The following MACROD2 variants were observed in gnomAD, a reference collection of about 807,000 sequenced individuals.
MACROD2 encodes the protein mono-ADP ribosylhydrolase 2, also known as ADP-ribose glycohydrolase MACROD2.
In MACROD2, 36 loss-of-function variants were observed where a neutral mutation model predicts 70.4. That is an observed-to-expected ratio of 0.51 (90% CI 0.39 to 0.68). The LOEUF (loss-of-function observed/expected upper bound fraction) is 0.68, where lower values mean the gene tolerates loss of function less well. Ranked by LOEUF, MACROD2 falls within the 30% of genes least tolerant of loss-of-function variation. The pLI is 0.00. For synonymous variants in MACROD2, 172 were observed against 178.8 expected (o/e 0.96, Z 0.30); for missense variants, 496 against 538.4 (o/e 0.92, Z 0.78).
chr20:14,165,749 A>C (rs537265968), intron 3 of MACROD2, among the ~76,000 whole-genome samples: 1 of 152,378 alleles, frequency 6.6e-6, no homozygotes, highest in Admixed American at 6.5e-5. Context: ...ATGGCTACTC[A>C]GTAATTTAGT....
At chr20:14,600,031 A>G (rs980018342) in intron 4 of MACROD2, among the ~76,000 whole-genome samples, 5 of 151,936 alleles carry the variant, frequency 3.3e-5, no homozygotes, top group African/African-American at 4.8e-5. Flanking sequence ...GTATAGGAGA[A>G]CTCAGCTACT....
At chr20:15,072,833 C>T (rs903417863) in intron 5 of MACROD2, among the ~76,000 whole-genome samples, 2 of 152,082 alleles carry the variant, frequency 1.3e-5, no homozygotes, top group African/African-American at 4.8e-5. Context: ...TTGAATGTGT[C>T]CCCCAAAGTT....
intron 6 of MACROD2, among the ~76,000 whole-genome samples, chr20:15,327,917 A>G (rs2423924): frequency 0.26 from 39,591 of 152,072 alleles, 5,344 homozygotes; most frequent in East Asian, 0.47. Flanking sequence ...CTTGACACAT[A>G]TCAGTTAATG....
intron 17 of MACROD2, among the ~76,000 whole-genome samples, chr20:16,045,686 G>A (rs982657622): frequency 4.6e-5 from 7 of 152,066 alleles, no homozygotes; most frequent in South Asian, 2.1e-4. Context: ...TTATCTCTTC[G>A]GTGGTTAGTT....
intron 5 of MACROD2, among the ~76,000 whole-genome samples, chr20:15,177,259 A>G (rs929049356): frequency 1.3e-5 from 2 of 152,242 alleles, no homozygotes; most frequent in Non-Finnish European, 2.9e-5. Flanking sequence ...GAGACACTCC[A>G]TAGATCCCAT....
At chr20:15,604,351 T>G (rs2048864511) in intron 8 of MACROD2, among the ~76,000 whole-genome samples, 1 of 152,208 alleles carries the variant, frequency 6.6e-6, no homozygotes, top group Admixed American at 6.5e-5. Context: ...CAATTCAGTT[T>G]TTTTATTTGC....
chr20:14,517,595 A>G lies in MACROD2; in HGVS notation c.301+24087A>G, dbSNP rs140048754. On this transcript the variant is annotated intron_variant, in intron 4 of 17. Coordinates refer to ENST00000684519, the MANE Select transcript of MACROD2 (RefSeq NM_001351661.2). ...GAGAAATACCTAATGTAGATGATGG[A>G]TTGATGGGTGCAGCAAACCACCATG... Among the ~76,000 whole-genome samples the G allele has an allele frequency of 9.6e-3, 1,464 of 152,182 alleles. 14 individuals are homozygous for G. Among genetic ancestry groups the G allele is most frequent in the Non-Finnish European group, 0.016 (1,104 of 67,982 alleles).
chr20:15,467,259 A>G (rs1600453907), intron 7 of MACROD2, among the ~76,000 whole-genome samples: 1 of 152,188 alleles, frequency 6.6e-6, no homozygotes, highest in African/African-American at 2.4e-5. Context: ...TCCGAAGTGT[A>G]TGTTCTATAC....
intron 8 of MACROD2, among the ~76,000 whole-genome samples, chr20:15,726,435 TTGGGTAACAGAATAATGGAATTGC>T (rs2050863899): frequency 6.6e-6 from 1 of 152,110 alleles, no homozygotes; most frequent in Admixed American, 6.5e-5. Flanking sequence ...TTCTGTTACT[TTGGGTAACAGAATAATGGAATTGC>T]TGGGTTGAAT....
chr20:14,286,222 A>C (rs974088308), intron 3 of MACROD2, among the ~76,000 whole-genome samples: 3 of 152,176 alleles, frequency 2.0e-5, no homozygotes, highest in African/African-American at 7.2e-5. Context: ...TCTTCTAGCA[A>C]TTAATGCCAC....
intron 2 of MACROD2, among the ~76,000 whole-genome samples, chr20:14,038,673 A>G (rs2053350777): frequency 6.6e-6 from 1 of 152,232 alleles, no homozygotes. Flanking sequence ...GTGGTTTATA[A>G]TTCATAATGC....
intron 2 of MACROD2, among the ~76,000 whole-genome samples, chr20:14,048,665 T>C (rs191484439): frequency 6.6e-6 from 1 of 152,204 alleles, no homozygotes; most frequent in African/African-American, 2.4e-5. Flanking sequence ...TAAATAAATA[T>C]AGTATTTGGG....
rs11469255 is a variant in MACROD2 at position 15,147,429 on chromosome 20, A to AT, written c.419-82495dup. On this transcript the variant is annotated intron_variant, in intron 5 of 17. Coordinates refer to ENST00000684519, the MANE Select transcript of MACROD2 (RefSeq NM_001351661.2). ...TCTGTGTGTGTAAAACGGAGTTAGCATTTTTTTTTTTTTTTTACCCAGCCA... is the reference window on the plus strand; with the variant it reads ...TCTGTGTGTGTAAAACGGAGTTAGCATTTTTTTTTTTTTTTTTACCCAGCCA... Among the ~76,000 whole-genome samples, 1,339 of 149,298 alleles carry AT rather than the reference A, an allele frequency of 9.0e-3. 23 individuals carry two copies. Among genetic ancestry groups the AT allele is most frequent in the African/African-American group, 0.03 (1,226 of 40,602 alleles).
At chr20:15,966,390 A>G (rs1321548551) in intron 12 of MACROD2, among the ~76,000 whole-genome samples, 6 of 152,128 alleles carry the variant, frequency 3.9e-5, no homozygotes, top group Non-Finnish European at 8.8e-5. Context: ...CTACTAGACT[A>G]TAAGCTCCAT....
At chr20:14,534,028 T>C (rs553377640) in intron 4 of MACROD2, among the ~76,000 whole-genome samples, 3 of 152,352 alleles carry the variant, frequency 2.0e-5, no homozygotes, top group Non-Finnish European at 4.4e-5. Context: ...GATATGTTCT[T>C]GTTACAAGTC....
intron 7 of MACROD2, among the ~76,000 whole-genome samples, chr20:15,437,989 C>A (rs953286166): frequency 1.3e-5 from 2 of 151,812 alleles, no homozygotes; most frequent in African/African-American, 4.8e-5. Context: ...TATAGTGGAA[C>A]GTTTTATATT....
At chr20:14,704,839 C>A (rs1402856427) in intron 5 of MACROD2, among the ~76,000 whole-genome samples, 1 of 152,038 alleles carries the variant, frequency 6.6e-6, no homozygotes, top group Admixed American at 6.6e-5. Flanking sequence ...TTTCTCACAG[C>A]CTTGGAAGCT....
chr20:15,295,595 T>TCACACACACACACACACACA lies in MACROD2; in HGVS notation c.540+65549_540+65568dup, dbSNP rs3223712. Among the ~76,000 whole-genome samples, 778 of 148,040 alleles carry TCACACACACACACACACACA rather than the reference T, an allele frequency of 5.3e-3. 4 individuals carry two copies. Among genetic ancestry groups the TCACACACACACACACACACA allele is most frequent in the Non-Finnish European group, 8.9e-3 (592 of 66,884 alleles). On this transcript the variant is annotated intron_variant, in intron 6 of 17. Transcript: ENST00000684519. ...ATGCAATACTTATCAATGTCTGTCA[T>TCACACACACACACACACACA]CACACACACACACACACACACACAC... is the stretch of plus-strand genomic sequence containing the variant.
chr20:15,248,807 T>C lies in MACROD2; in HGVS notation c.540+18746T>C, dbSNP rs1035458275. ...ACCCCTCTCCTTCCAGCCAGTCATC[T>C]CTTGCAGTCCTGTAGACACCCCCTC... is the stretch of plus-strand genomic sequence containing the variant. On this transcript the variant is annotated intron_variant, in intron 6 of 17. Coordinates refer to ENST00000684519, the MANE Select transcript of MACROD2 (RefSeq NM_001351661.2). Among the ~76,000 whole-genome samples, 5 of 152,154 alleles carry C rather than the reference T, an allele frequency of 3.3e-5. 1 individual carries two copies. Among genetic ancestry groups the C allele is most frequent in the Non-Finnish European group, 7.3e-5 (5 of 68,040 alleles).
Sources: gnomAD v4.1 joint callset for allele counts (sites outside exome capture counted in the v4.1 genomes callset) on GRCh38, gnomAD v4.1.1 for gene constraint, MANE v1.5 for transcripts, NCBI Gene and HGNC (gene_info 2026-07-23, HGNC 2026-07-21) for gene names.